The following WDR41 variants were observed in gnomAD, a reference collection of about 807,000 sequenced individuals.
WDR41 encodes the protein WD repeat domain 41.
In WDR41, 63 loss-of-function variants were observed where a neutral mutation model predicts 69.3. That is an observed-to-expected ratio of 0.91 (90% CI 0.74 to 1.12). The LOEUF is 1.12. Among genes scored for constraint, WDR41 ranks in the 50% most tolerant of loss-of-function variants. WDR41 has a pLI of 0.00. For missense variants in WDR41, 543 were observed against 534.5 expected, an observed-to-expected ratio of 1.02 and a Z score of -0.16; for synonymous variants, 185 against 192.1, an observed-to-expected ratio of 0.96 and a Z score of 0.31.
chr5:77,502,416 G>A (rs1221762572), intron 1 of WDR41, among the ~76,000 whole-genome samples: 5 of 151,968 alleles, frequency 3.3e-5, no homozygotes, highest in South Asian at 4.2e-4. Context: ...GAAAGTGATC[G>A]GGAGAATGCA....
intron 1 of WDR41, among the ~76,000 whole-genome samples, chr5:77,559,314 T>C (rs1743472094): frequency 6.6e-6 from 1 of 152,218 alleles, no homozygotes; most frequent in Non-Finnish European, 1.5e-5. Context: ...AGAGTATAGA[T>C]GTTAAAATGC....
At chr5:77,561,740 AC>A (rs1321629101) in intron 1 of WDR41, among the ~76,000 whole-genome samples, 1 of 152,136 alleles carries the variant, frequency 6.6e-6, no homozygotes, top group African/African-American at 2.4e-5. Flanking sequence ...TCAATGACAT[AC>A]TTTTCAAAGC....
At chr5:77,588,650 A>G (rs1744082342) in intron 1 of WDR41, among the ~76,000 whole-genome samples, 1 of 152,200 alleles carries the variant, frequency 6.6e-6, no homozygotes, top group Non-Finnish European at 1.5e-5. Context: ...ATAGTTAATA[A>G]TAAAGTTTCT....
At chr5:77,476,699 G>C (rs1030686324) in intron 2 of WDR41, among the ~76,000 whole-genome samples, 1 of 151,470 alleles carries the variant, frequency 6.6e-6, no homozygotes, top group African/African-American at 2.4e-5. Flanking sequence ...GGAACAACCA[G>C]TACCAGCTGC....
Position 77,466,050 on chromosome 5 carries a change from A to G in WDR41, c.168-1241T>C, listed in dbSNP as rs537088889. Among the ~76,000 whole-genome samples the G allele has an allele frequency of 3.3e-5, 5 of 152,132 alleles. No individual in the cohort carries two copies. The East Asian group carries it at 5.8e-4, about 18-fold the overall frequency. On this transcript the variant is annotated intron_variant, in intron 2 of 12. Coordinates refer to ENST00000296679, the MANE Select transcript of WDR41 (RefSeq NM_018268.4). ...GTAGAACCAAGATTATTCAGGAGACATGAAATTGATCAAATACAGTCTGAC... is the reference window on the plus strand; with the variant it reads ...GTAGAACCAAGATTATTCAGGAGACGTGAAATTGATCAAATACAGTCTGAC...
intron 1 of WDR41, among the ~76,000 whole-genome samples, chr5:77,539,842 A>C (rs925805313): frequency 1.3e-5 from 2 of 152,196 alleles, no homozygotes; most frequent in African/African-American, 4.8e-5. Context: ...AACTTGGATT[A>C]TATCCAATGA....
rs184593864 is a variant in WDR41 at position 77,610,220 on chromosome 5, T to G, written c.42+10259A>C. Among the ~76,000 whole-genome samples, 7 of 152,322 alleles carry G rather than the reference T, an allele frequency of 4.6e-5. No individual in the cohort carries two copies. The East Asian group carries it at 1.4e-3, about 29-fold the overall frequency. The stretch of plus-strand genomic sequence containing the variant: ...AGTTATGGGGAGAATGGAACCAAGT[T>G]GGAAAACACTGCAGGATATTATACA... On this transcript the variant is annotated intron_variant, in intron 1 of 5. Coordinates refer to the WDR41 transcript ENST00000509971.
At chr5:77,590,574 G>C (rs1477012938) in intron 1 of WDR41, among the ~76,000 whole-genome samples, 4 of 152,186 alleles carry the variant, frequency 2.6e-5, no homozygotes, top group African/African-American at 9.7e-5. Context: ...AGCTGACAAA[G>C]AGGAAGATGC....
chr5:77,551,329 G>A (rs949238767), intron 1 of WDR41, among the ~76,000 whole-genome samples: 3 of 152,206 alleles, frequency 2.0e-5, no homozygotes, highest in Non-Finnish European at 4.4e-5. Context: ...TTTGATAAAT[G>A]ATATTCAAAA....
chr5:77,467,464 A>G (rs1261049630), intron 2 of WDR41, among the ~76,000 whole-genome samples: 1 of 152,040 alleles, frequency 6.6e-6, no homozygotes, highest in African/African-American at 2.4e-5. Context: ...ATCAATTGTA[A>G]GACACTCTTA....
At chr5:77,516,593 T>C (rs201684254) in intron 1 of WDR41, among the ~76,000 whole-genome samples, 1 of 95,408 alleles carries the variant, frequency 1.0e-5, no homozygotes, top group Non-Finnish European at 1.9e-5. Context: ...CAAGGGACTT[T>C]GGTTTTTCCA....
chr5:77,502,684 C>G (rs887754386), intron 1 of WDR41, among the ~76,000 whole-genome samples: 1 of 152,158 alleles, frequency 6.6e-6, no homozygotes, highest in Non-Finnish European at 1.5e-5. Flanking sequence ...GGGAGAAACC[C>G]TATAAGCCAG....
Position 77,478,701 on chromosome 5 carries a change from A to C in WDR41, c.167+10756T>G, listed in dbSNP as rs974811143. On this transcript the variant is annotated intron_variant, in intron 2 of 12. Transcript: ENST00000296679. Reference sequence around the variant, plus strand: ...CAAAATAATAAGAGCTATCTATGACAAACCCACAGCCAATATCATACTGAA... The same window carrying C: ...CAAAATAATAAGAGCTATCTATGACCAACCCACAGCCAATATCATACTGAA... Among the ~76,000 whole-genome samples, 3 of 152,122 alleles carry C rather than the reference A, an allele frequency of 2.0e-5. No homozygotes were observed. The East Asian group carries it at 5.8e-4, about 29-fold the overall frequency.
At chr5:77,555,702 T>C (rs1049550693) in intron 1 of WDR41, among the ~76,000 whole-genome samples, 2 of 152,156 alleles carry the variant, frequency 1.3e-5, no homozygotes, top group African/African-American at 4.8e-5. Flanking sequence ...GTAAGATCCT[T>C]ATGAAGAAAT....
intron 2 of WDR41, among the ~76,000 whole-genome samples, chr5:77,487,979 C>A (rs866579601): frequency 6.6e-6 from 1 of 152,084 alleles, no homozygotes; most frequent in East Asian, 1.9e-4. Flanking sequence ...CATGTGGGAC[C>A]CCCTAGGCCT....
At chr5:77,486,291 T>G (rs1044137407) in intron 2 of WDR41, among the ~76,000 whole-genome samples, 1 of 152,180 alleles carries the variant, frequency 6.6e-6, no homozygotes, top group African/African-American at 2.4e-5. Context: ...ATATGTAAAT[T>G]TGATGACTTT....
chr5:77,579,541 A>T (rs1280736901), intron 1 of WDR41, among the ~76,000 whole-genome samples: 35 of 152,116 alleles, frequency 2.3e-4, no homozygotes, highest in Non-Finnish European at 1.5e-5. Context: ...GCTAAAAAAA[A>T]CCACCCTGTC....
At chr5:77,493,721 T>G (rs553378749), upstream of WDR41, among the ~76,000 whole-genome samples, 1 of 152,242 alleles carries the variant, frequency 6.6e-6, no homozygotes, top group Non-Finnish European at 1.5e-5. Flanking sequence ...AAAACAAAAC[T>G]CAGAGACATC....
chr5:77,537,261 A>G (rs1743004426), intron 1 of WDR41, among the ~76,000 whole-genome samples: 1 of 152,166 alleles, frequency 6.6e-6, no homozygotes, highest in African/African-American at 2.4e-5. Flanking sequence ...TTCATTAGGT[A>G]TGGTAAGACA....
Sources: allele counts gnomAD v4.1 joint callset (sites outside exome capture counted in the v4.1 genomes callset), GRCh38; gene constraint gnomAD v4.1.1; transcripts MANE v1.5; gene names NCBI Gene and HGNC (gene_info 2026-07-23, HGNC 2026-07-21).